WWOX: variants seen among roughly 807,000 people sequenced by gnomAD.
The protein encoded by WWOX is WW domain containing oxidoreductase, also known as WW domain-containing oxidoreductase.
Under a neutral mutation model 46.2 loss-of-function variants are expected in WWOX, and 69 were observed. That is an observed-to-expected ratio of 1.49 (90% CI 1.23 to 1.82). The LOEUF is 1.82. WWOX is among the 40% of genes most tolerant of loss of function. The pLI is 0.00. For missense variants in WWOX, 919 were observed against 542.6 expected (o/e 1.69, Z -6.89); for synonymous variants, 359 against 202.6 (o/e 1.77, Z -6.56).
At chr16:78,825,826 C>A in intron 8 of WWOX, 6 of 598,950 alleles carry the variant, frequency 1.0e-5, no homozygotes, top group Non-Finnish European at 1.5e-5. Flanking sequence ...TTCTGGGCAT[C>A]AAGGTGAAGG....
At chr16:79,154,681 C>T (rs563748757) in intron 8 of WWOX, among the ~76,000 whole-genome samples, 45 of 152,270 alleles carry the variant, frequency 3.0e-4, no homozygotes, top group South Asian at 1.7e-3. Context: ...AAAACAACCA[C>T]GTTTGGTAAA....
chr16:79,187,492 C>T (rs887271194), intron 8 of WWOX, among the ~76,000 whole-genome samples: 2 of 152,178 alleles, frequency 1.3e-5, no homozygotes, highest in African/African-American at 4.8e-5. Flanking sequence ...TCTCCATTTC[C>T]CAGGTTCAAG....
intron 5 of WWOX, among the ~76,000 whole-genome samples, chr16:78,288,064 T>A (rs1442438088): frequency 1.3e-5 from 2 of 152,206 alleles, no homozygotes; most frequent in African/African-American, 4.8e-5. Flanking sequence ...CTAATGAATA[T>A]TTTTTAACTG....
intron 8 of WWOX, among the ~76,000 whole-genome samples, chr16:78,787,096 C>G (rs980355629): frequency 3.3e-5 from 5 of 152,058 alleles, no homozygotes; most frequent in Non-Finnish European, 5.9e-5. Context: ...TGCAGTGAGC[C>G]AAGATTGCAC....
Position 78,658,686 on chromosome 16 carries a change from C to T in WWOX, c.1056+225934C>T, listed in dbSNP as rs539971055. 7.2e-5 allele frequency among the ~76,000 whole-genome samples: 11 copies of T among 152,142 alleles called. No individual in the cohort carries two copies. The South Asian group carries it at 1.4e-3, about 20-fold the overall frequency. ...TGGCCATCTTCACTCTCTGTCTTTG[C>T]TCCCTTTTCCTATAGGGACTCAAGT... On this transcript the variant is annotated intron_variant, in intron 8 of 8. Transcript: ENST00000566780.
At chr16:78,863,107 AC>A (rs1175356111) in intron 8 of WWOX, among the ~76,000 whole-genome samples, 3 of 151,758 alleles carry the variant, frequency 2.0e-5, no homozygotes, top group Non-Finnish European at 4.4e-5. Flanking sequence ...TACAGGCGCC[AC>A]CACCAAGCCT....
At chr16:78,357,522 AC>A (rs376973575) in intron 5 of WWOX, among the ~76,000 whole-genome samples, 92 of 152,252 alleles carry the variant, frequency 6.0e-4, no homozygotes, top group African/African-American at 2.1e-3. Flanking sequence ...TGTTATCATA[AC>A]CTTGATTTTT....
chr16:78,471,145 G>C (rs534138123), intron 8 of WWOX, among the ~76,000 whole-genome samples: 1 of 152,184 alleles, frequency 6.6e-6, no homozygotes, highest in East Asian at 1.9e-4. Flanking sequence ...AAAGTCAAAA[G>C]AATGACAGAA....
chr16:78,325,721 G>C (rs921821238), intron 5 of WWOX, among the ~76,000 whole-genome samples: 2 of 152,168 alleles, frequency 1.3e-5, no homozygotes, highest in Non-Finnish European at 2.9e-5. Flanking sequence ...GTTTTTCATG[G>C]GACTGTAACC....
intron 5 of WWOX, among the ~76,000 whole-genome samples, chr16:78,283,764 C>T (rs981777222): frequency 2.0e-5 from 3 of 151,458 alleles, no homozygotes; most frequent in Non-Finnish European, 4.4e-5. Flanking sequence ...ATAGTGACAA[C>T]AGTGGGTTGA....
chr16:78,354,988 C>T (rs944469564), intron 5 of WWOX, among the ~76,000 whole-genome samples: 12 of 152,020 alleles, frequency 7.9e-5, no homozygotes, highest in Middle Eastern at 3.4e-3. Flanking sequence ...AAAAATTAGC[C>T]GGGAGTGGTG....
At chr16:78,444,579 G>C (rs1325179124) in intron 8 of WWOX, among the ~76,000 whole-genome samples, 1 of 148,412 alleles carries the variant, frequency 6.7e-6, no homozygotes, top group African/African-American at 2.5e-5. Flanking sequence ...CACCAGGCTA[G>C]AGTGCAGTGG....
intron 8 of WWOX, among the ~76,000 whole-genome samples, chr16:79,150,659 A>G (rs1018603029): frequency 1.3e-5 from 2 of 152,170 alleles, no homozygotes; most frequent in Admixed American, 6.5e-5. Context: ...ATATTAAATC[A>G]TCCCTTTTTC....
At chr16:78,183,596 C>G (rs1389626050) in intron 5 of WWOX, among the ~76,000 whole-genome samples, 1 of 152,188 alleles carries the variant, frequency 6.6e-6, no homozygotes, top group African/African-American at 2.4e-5. Flanking sequence ...GGATGCTTGT[C>G]AGGATTAAAT....
chr16:78,974,708 T>C (rs2046537392), intron 8 of WWOX, among the ~76,000 whole-genome samples: 1 of 152,024 alleles, frequency 6.6e-6, no homozygotes, highest in African/African-American at 2.4e-5. Flanking sequence ...GTTTACAGAG[T>C]TGCCACTTTG....
chr16:78,306,643 A>G (rs4371168), intron 5 of WWOX, among the ~76,000 whole-genome samples: 15,139 of 150,786 alleles, frequency 0.1, 1,029 homozygotes, highest in East Asian at 0.27. Flanking sequence ...CCAACTCCTT[A>G]CCACAATTCC....
chr16:78,952,233 G>A (rs556418594), intron 8 of WWOX, among the ~76,000 whole-genome samples: 1 of 152,088 alleles, frequency 6.6e-6, no homozygotes, highest in South Asian at 2.1e-4. Flanking sequence ...CCTCTACTCA[G>A]TCTTTATATT....
intron 8 of WWOX, among the ~76,000 whole-genome samples, chr16:78,700,363 C>G (rs2048187819): frequency 8.2e-6 from 1 of 121,670 alleles, no homozygotes; most frequent in Non-Finnish European, 1.8e-5. Flanking sequence ...AGAGAGAGAC[C>G]ATCTCTCTTG....
At chr16:78,736,485 C>G (rs985120299) in intron 8 of WWOX, among the ~76,000 whole-genome samples, 21 of 152,194 alleles carry the variant, frequency 1.4e-4, no homozygotes, top group Non-Finnish European at 2.5e-4. Context: ...CCGTTGGTGT[C>G]TCAAAGTCTC....
Sources: gnomAD v4.1 joint callset for allele counts (sites outside exome capture counted in the v4.1 genomes callset) on GRCh38, gnomAD v4.1.1 for gene constraint, MANE v1.5 for transcripts, NCBI Gene and HGNC (gene_info 2026-07-23, HGNC 2026-07-21) for gene names.